CNTN4: variants seen among roughly 807,000 people sequenced by gnomAD.
The protein encoded by CNTN4 is contactin 4.
Under a neutral mutation model 122.5 loss-of-function variants are expected in CNTN4, and 77 were observed. The observed-to-expected ratio is 0.63, with a 90% CI of 0.52 to 0.76. The LOEUF (loss-of-function observed/expected upper bound fraction) is 0.76. Among genes scored for constraint, CNTN4 ranks in the 30% least tolerant of loss-of-function variants. CNTN4 has a pLI of 0.00. For missense variants in CNTN4, 1,256 were observed against 1,259.1 expected (o/e 1.00, Z 0.04); for synonymous variants, 512 against 447.0 (o/e 1.15, Z -1.83).
At chr3:2,508,970 A>G (rs2076810876) in intron 3 of CNTN4, among the ~76,000 whole-genome samples, 1 of 152,218 alleles carries the variant, frequency 6.6e-6, no homozygotes, top group African/African-American at 2.4e-5. Context: ...GAAATTTTTT[A>G]GTTAGTAATT....
chr3:2,140,722 G>T (rs145031560), intron 2 of CNTN4, among the ~76,000 whole-genome samples: 27 of 152,280 alleles, frequency 1.8e-4, no homozygotes, highest in African/African-American at 6.5e-4. Flanking sequence ...TTAAGAACTA[G>T]GTATATGTAA....
At chr3:3,031,065 T>A in intron 16 of CNTN4, 90 bp downstream of exon 16, 1 of 1,557,978 alleles carries the variant, frequency 6.4e-7, no homozygotes, top group Admixed American at 1.7e-5. Flanking sequence ...TGGTTTAGAA[T>A]TATGGGAAAA....
Position 3,053,978 on chromosome 3 carries a change from G to A in CNTN4, c.2980+3G>A, listed in dbSNP as rs777727760. ...AATTCGAATTCCAAAGATATCAAGT[G>A]AGAATGCCTTTTTTTCTCCCTTTTC... On this transcript the variant is annotated splice_donor_region_variant and intron_variant, in intron 24 of 24. Coordinates refer to ENST00000418658, the MANE Select transcript of CNTN4 (RefSeq NM_175607.3). The A allele has an allele frequency of 1.2e-6, 2 of 1,614,130 alleles. No individual in the cohort carries two copies. The highest frequency in any genetic ancestry group is 1.1e-5 in the South Asian group (1 of 91,082).
chr3:2,563,148 T>C (rs2149439824), intron 3 of CNTN4, among the ~76,000 whole-genome samples: 1 of 152,284 alleles, frequency 6.6e-6, no homozygotes, highest in East Asian at 1.9e-4. Context: ...CTAATTTACA[T>C]TCCCACCAAA....
At chr3:2,711,064 A>G (rs1303040117) in intron 4 of CNTN4, among the ~76,000 whole-genome samples, 1 of 152,218 alleles carries the variant, frequency 6.6e-6, no homozygotes, top group African/African-American at 2.4e-5. Flanking sequence ...TAGAGATCTA[A>G]TATTTTCTGA....
chr3:2,948,753 C>T (rs568066576), intron 13 of CNTN4, among the ~76,000 whole-genome samples: 1 of 152,032 alleles, frequency 6.6e-6, no homozygotes, highest in African/African-American at 2.4e-5. Flanking sequence ...TTGTGAGATA[C>T]TACATACACC....
intron 4 of CNTN4, among the ~76,000 whole-genome samples, chr3:2,590,546 G>C (rs192089887): frequency 4.0e-5 from 6 of 151,764 alleles, no homozygotes; most frequent in African/African-American, 1.5e-4. Context: ...TTACACATAG[G>C]ATAAAATTTA....
chr3:2,708,573 A>G (rs1216860827), intron 4 of CNTN4, among the ~76,000 whole-genome samples: 1 of 152,198 alleles, frequency 6.6e-6, no homozygotes, highest in South Asian at 2.1e-4. Context: ...GCCCATTGGT[A>G]TGGGACTGAG....
At chr3:2,870,059 T>C (rs17021541) in intron 8 of CNTN4, among the ~76,000 whole-genome samples, 1 of 152,172 alleles carries the variant, frequency 6.6e-6, no homozygotes, top group Non-Finnish European at 1.5e-5. Context: ...TAATTACATA[T>C]TGACTTTGAT....
intron 4 of CNTN4, among the ~76,000 whole-genome samples, chr3:2,716,362 T>C (rs909769881): frequency 2.6e-5 from 4 of 151,602 alleles, no homozygotes; most frequent in Admixed American, 6.6e-5. Context: ...TTATGGGATT[T>C]ATCTTACAAG....
At position 2,920,614 on chromosome 3, in the gene CNTN4, T is replaced by C. The variant is rs78881319; in HGVS notation, c.1208-5015T>C. On this transcript the variant is annotated intron_variant, in intron 12 of 24. Coordinates refer to ENST00000418658, the MANE Select transcript of CNTN4 (RefSeq NM_175607.3). ...AAACAATGATGTGTTTCTCGGACTC[T>C]AAGAAAATTTTCAGCAGAAGAAAAG... Among the ~76,000 whole-genome samples the C allele has an allele frequency of 6.7e-3, 1,016 of 152,222 alleles. 11 individuals are homozygous for C. Among genetic ancestry groups the C allele is most frequent in the African/African-American group, 0.024 (977 of 41,544 alleles).
At chr3:2,964,424 T>G (rs1162666675) in intron 13 of CNTN4, among the ~76,000 whole-genome samples, 2 of 152,206 alleles carry the variant, frequency 1.3e-5, no homozygotes, top group Non-Finnish European at 2.9e-5. Flanking sequence ...TGTCAACTCT[T>G]CCATTCATTG....
chr3:2,895,853 T>A (rs573462151), intron 10 of CNTN4, among the ~76,000 whole-genome samples: 1 of 151,964 alleles, frequency 6.6e-6, no homozygotes, highest in Non-Finnish European at 1.5e-5. Context: ...GCTAACAGGG[T>A]GAAACCCCGT....
In CNTN4 at chr3:2,961,231, C is replaced by CAAAAAAAAAAAA. The variant is rs59790353; in HGVS notation, c.1359-27106_1359-27095dup. Among the ~76,000 whole-genome samples the CAAAAAAAAAAAA allele has an allele frequency of 6.7e-4, 25 of 37,250 alleles. 2 individuals carry two copies. The highest frequency in any genetic ancestry group is 1.8e-3 in the African/African-American group (18 of 10,038). The allele number at this position is 37,250 out of a possible 152,430, so 24.4% of individuals were successfully genotyped here. ...GGCGACAGAACGAGACTCCATCTCA[C>CAAAAAAAAAAAA]AAAAAAAAAAAAAAAAAAAGGCCTA... On this transcript the variant is annotated intron_variant, in intron 13 of 24. Transcript: ENST00000418658.
intron 3 of CNTN4, among the ~76,000 whole-genome samples, chr3:2,361,511 G>A (rs2045137423): frequency 6.6e-6 from 1 of 152,124 alleles, no homozygotes; most frequent in African/African-American, 2.4e-5. Flanking sequence ...ACCCTGCTCT[G>A]TACTATACCC....
At chr3:2,552,365 A>C (rs749833253) in intron 3 of CNTN4, among the ~76,000 whole-genome samples, 5 of 152,216 alleles carry the variant, frequency 3.3e-5, no homozygotes, top group African/African-American at 4.8e-5. Flanking sequence ...AGGTAAAAGA[A>C]TAAATTCTGG....
intron 3 of CNTN4, among the ~76,000 whole-genome samples, chr3:2,350,923 A>G (rs2150439876): frequency 6.6e-6 from 1 of 152,348 alleles, no homozygotes; most frequent in Admixed American, 6.5e-5. Context: ...TTACTCTAGC[A>G]CAGCCTAAAT....
intron 5 of CNTN4, among the ~76,000 whole-genome samples, chr3:2,742,609 G>C (rs1272966077): frequency 2.0e-5 from 3 of 152,004 alleles, no homozygotes; most frequent in Non-Finnish European, 4.4e-5. Flanking sequence ...TTACCCTCCA[G>C]AGTGTCACAG....
chr3:2,638,978 C>A (rs2082783501), intron 4 of CNTN4, among the ~76,000 whole-genome samples: 1 of 152,142 alleles, frequency 6.6e-6, no homozygotes, highest in South Asian at 2.1e-4. Context: ...TATTAAAATA[C>A]CCTCCTCATT....
Sources: allele counts gnomAD v4.1 joint callset (sites outside exome capture counted in the v4.1 genomes callset), GRCh38; gene constraint gnomAD v4.1.1; transcripts MANE v1.5; gene names NCBI Gene and HGNC (gene_info 2026-07-23, HGNC 2026-07-21).